The following MSRA variants were observed in gnomAD, a reference collection of about 807,000 sequenced individuals.
MSRA encodes the protein methionine sulfoxide reductase A, also known as mitochondrial peptide methionine sulfoxide reductase.
A neutral mutation model predicts 31.3 loss-of-function variants in MSRA; 54 were observed. That is an observed-to-expected ratio of 1.73 (90% CI 1.39 to 2.17). The LOEUF is 2.17. Among genes scored for constraint, MSRA ranks in the 30% most tolerant of loss-of-function variants. MSRA has a pLI of 0.00. For synonymous variants in MSRA, 169 were observed against 116.5 expected (o/e 1.45, Z -2.90); for missense variants, 507 against 300.9 (o/e 1.69, Z -5.07).
chr8:10,054,793 G>A (rs13251181), intron 1 of MSRA, 135 bp downstream of exon 1: 7 of 954,238 alleles, frequency 7.3e-6, no homozygotes, highest in African/African-American at 1.7e-5. Flanking sequence ...GGTCTGCGCA[G>A]GCGCGAAGGG....
At chr8:10,064,359 T>A (rs879710928) in intron 1 of MSRA, among the ~76,000 whole-genome samples, 486 of 149,840 alleles carry the variant, frequency 3.2e-3, no homozygotes, top group Middle Eastern at 0.014. Flanking sequence ...TTTTGCCCAT[T>A]TTTTTTTTTT....
At chr8:10,174,251 A>G (rs563267474) in intron 1 of MSRA, among the ~76,000 whole-genome samples, 1 of 152,098 alleles carries the variant, frequency 6.6e-6, no homozygotes, top group Non-Finnish European at 1.5e-5. Flanking sequence ...CCAACTTTGT[A>G]AAGAGAGAGA....
intron 1 of MSRA, among the ~76,000 whole-genome samples, chr8:10,060,079 T>C (rs972483050): frequency 8.0e-5 from 12 of 150,214 alleles, no homozygotes; most frequent in African/African-American, 2.7e-4. Context: ...CAAATGCATA[T>C]ACCTTTTGAC....
intron 1 of MSRA, among the ~76,000 whole-genome samples, chr8:10,117,829 T>C (rs1585186656): frequency 2.6e-5 from 4 of 152,200 alleles, no homozygotes. Context: ...AAATTTACTC[T>C]CATTTTCAGT....
chr8:10,371,260 AG>A (rs1805458470), intron 5 of MSRA, among the ~76,000 whole-genome samples: 1 of 152,148 alleles, frequency 6.6e-6, no homozygotes, highest in Admixed American at 6.5e-5. Context: ...CCCGGCCTCT[AG>A]AGATGGTGCA....
At position 10,317,642 on chromosome 8, in the gene MSRA, G is replaced by A. The variant is rs150890187; in HGVS notation, c.437-2241G>A. ...ACTATGGAAGCATTTTAAGCACAAG[G>A]TGTTGTTTCTGAGCCAGTAATTCTC... On this transcript the variant is annotated intron_variant, in intron 4 of 5. Transcript: ENST00000317173. Among the ~76,000 whole-genome samples, 1,168 of 152,260 alleles carry A rather than the reference G, an allele frequency of 7.7e-3. 11 individuals carry two copies. Among genetic ancestry groups the A allele is most frequent in the African/African-American group, 0.027 (1,133 of 41,538 alleles).
chr8:10,111,061 C>T (rs966583205), intron 1 of MSRA, among the ~76,000 whole-genome samples: 16 of 152,118 alleles, frequency 1.1e-4, no homozygotes, highest in East Asian at 1.9e-4. Flanking sequence ...GTCAGAACTT[C>T]CTGTGTGCTT....
rs368038357 is a variant in MSRA at position 10,282,440 on chromosome 8, A to T, written c.332-19094A>T. On this transcript the variant is annotated intron_variant, in intron 3 of 5. Coordinates refer to ENST00000317173, the MANE Select transcript of MSRA (RefSeq NM_012331.5). ...AAAGCTACAAAAGTCATTGATCCAG[A>T]TGTTTTCTGTTATCTGCAAACCTAG... is the stretch of plus-strand genomic sequence containing the variant. 2.0e-5 allele frequency among the ~76,000 whole-genome samples: 3 copies of T among 152,218 alleles called. No homozygotes were observed. In the East Asian group the frequency reaches 5.8e-4, roughly 29 times the overall value.
chr8:10,241,416 T>A (rs1395408636), intron 2 of MSRA, among the ~76,000 whole-genome samples: 1 of 152,152 alleles, frequency 6.6e-6, no homozygotes, highest in Non-Finnish European at 1.5e-5. Flanking sequence ...CGATCAAATA[T>A]GTTTAAATGA....
intron 2 of MSRA, among the ~76,000 whole-genome samples, chr8:10,234,126 CAT>C (rs1203127937): frequency 1.3e-5 from 2 of 152,102 alleles, no homozygotes; most frequent in East Asian, 3.9e-4. Context: ...TTTTATAACT[CAT>C]AGACAGTTAC....
intron 3 of MSRA, among the ~76,000 whole-genome samples, chr8:10,246,898 A>G (rs1050780167): frequency 1.3e-5 from 2 of 152,214 alleles, no homozygotes; most frequent in African/African-American, 4.8e-5. Flanking sequence ...CCTGGAGATC[A>G]CCCAGGTGTA....
chr8:10,231,820 T>C (rs977130464), intron 2 of MSRA, among the ~76,000 whole-genome samples: 1 of 152,150 alleles, frequency 6.6e-6, no homozygotes, highest in Non-Finnish European at 1.5e-5. Context: ...GGAGAATTGC[T>C]TGAGCCTGGG....
chr8:10,331,198 C>T (rs886242902), intron 5 of MSRA, among the ~76,000 whole-genome samples: 3 of 152,192 alleles, frequency 2.0e-5, no homozygotes, highest in South Asian at 2.1e-4. Context: ...ATTGAAGCCA[C>T]GTAGTCTGTT....
intron 5 of MSRA, among the ~76,000 whole-genome samples, chr8:10,375,326 A>T (rs1320871692): frequency 6.6e-6 from 1 of 152,224 alleles, no homozygotes; most frequent in Non-Finnish European, 1.5e-5. Flanking sequence ...TTGGCATTAC[A>T]CACCACATAA....
At chr8:10,311,561 C>T (rs1292363918) in intron 4 of MSRA, among the ~76,000 whole-genome samples, 1 of 151,492 alleles carries the variant, frequency 6.6e-6, no homozygotes, top group Admixed American at 6.6e-5. Flanking sequence ...AATCATGTAG[C>T]TTTTTTTTTC....
intron 2 of MSRA, among the ~76,000 whole-genome samples, chr8:10,242,930 C>G (rs1351720463): frequency 1.3e-5 from 2 of 152,208 alleles, no homozygotes; most frequent in Non-Finnish European, 2.9e-5. Flanking sequence ...GCACCCCAGA[C>G]CCTTGCCCAC....
intron 1 of MSRA, among the ~76,000 whole-genome samples, chr8:10,072,326 T>C (rs1191025556): frequency 6.6e-6 from 1 of 151,048 alleles, no homozygotes; most frequent in African/African-American, 2.4e-5. Context: ...TTTTTGTCTA[T>C]GGATGAATAT....
chr8:10,074,244 A>C lies in MSRA; in HGVS notation c.142+19586A>C, dbSNP rs768255857. On this transcript the variant is annotated intron_variant, in intron 1 of 5. Coordinates refer to ENST00000317173, the MANE Select transcript of MSRA (RefSeq NM_012331.5). The stretch of plus-strand genomic sequence containing the variant: ...ACTACATGCACCCGCCACCATGCCC[A>C]GCTAATTTTTTGTATTTTTAGTAGA... 1.8e-3 allele frequency among the ~76,000 whole-genome samples: 267 copies of C among 151,254 alleles called. 17 individuals carry two copies. Among genetic ancestry groups the C allele is most frequent in the Non-Finnish European group, 1.0e-3 (68 of 67,772 alleles).
At chr8:10,365,611 C>G (rs1311805916) in intron 5 of MSRA, among the ~76,000 whole-genome samples, 1 of 152,210 alleles carries the variant, frequency 6.6e-6, no homozygotes, top group African/African-American at 2.4e-5. Flanking sequence ...TTAATTTTAT[C>G]TGCAACAGCA....
Sources: gnomAD v4.1 joint callset for allele counts (sites outside exome capture counted in the v4.1 genomes callset) on GRCh38, gnomAD v4.1.1 for gene constraint, MANE v1.5 for transcripts, NCBI Gene and HGNC (gene_info 2026-07-23, HGNC 2026-07-21) for gene names.